Variants in SLC12A1 observed in about 807,000 individuals in gnomAD.
SLC12A1 encodes Na-K-2Cl cotransporter.
Under a neutral mutation model 130.4 loss-of-function variants are expected in SLC12A1, and 89 were observed. That is an observed-to-expected ratio of 0.68 (90% confidence interval 0.58 to 0.81). The LOEUF is 0.81. Ranked by LOEUF, SLC12A1 falls within the 40% of genes least tolerant of loss-of-function variation. SLC12A1 has a pLI of 0.00. For missense variants in SLC12A1, 1,310 were observed against 1,336.4 expected (o/e 0.98, Z 0.31); for synonymous variants, 499 against 460.0 (o/e 1.08, Z -1.09).
chr15:48,268,626 G>A (rs1043110244), intron 18 of SLC12A1, among the ~76,000 whole-genome samples: 1 of 152,128 alleles, frequency 6.6e-6, no homozygotes, highest in East Asian at 1.9e-4. Context: ...AAGAACACTT[G>A]CGAAGTAGAT....
chr15:48,273,708 C>T (rs763843115), intron 19 of SLC12A1, among the ~76,000 whole-genome samples: 2 of 152,154 alleles, frequency 1.3e-5, no homozygotes, highest in African/African-American at 4.8e-5. Context: ...TTGCACCAAA[C>T]TTATGTATAC....
chr15:48,232,071 G>A (rs1411039464), intron 7 of SLC12A1, among the ~76,000 whole-genome samples: 1 of 152,122 alleles, frequency 6.6e-6, no homozygotes, highest in African/African-American at 2.4e-5. Flanking sequence ...GGCCCTCTGA[G>A]GAGGTAACTA....
chr15:48,249,545 C>A, intron 13 of SLC12A1, 30 bp from the exon 14 acceptor site: 2 of 1,536,936 alleles, frequency 1.3e-6, no homozygotes, highest in Non-Finnish European at 1.8e-6. Context: ...ATCACTCATA[C>A]GTACATGTTC....
intron 2 of SLC12A1, among the ~76,000 whole-genome samples, chr15:48,215,449 T>TAAAA (rs1242837407): frequency 6.6e-6 from 1 of 152,236 alleles, no homozygotes; most frequent in African/African-American, 2.4e-5. Flanking sequence ...AATACATTTA[T>TAAAA]AAAAGGTTAT....
chr15:48,227,068 G>C, intron 5 of SLC12A1: 7 of 1,545,284 alleles, frequency 4.5e-6, no homozygotes, highest in Non-Finnish European at 6.1e-6. Context: ...CTTTCTTGGG[G>C]GATTTTGCAG....
chr15:48,270,220 T>C (rs2041878105), intron 19 of SLC12A1, among the ~76,000 whole-genome samples: 1 of 152,172 alleles, frequency 6.6e-6, no homozygotes, highest in Admixed American at 6.5e-5. Context: ...GTGCTTCTGC[T>C]ACCAGGTGGA....
At chr15:48,294,738 A>G (rs1694793967) in intron 24 of SLC12A1, among the ~76,000 whole-genome samples, 1 of 152,194 alleles carries the variant, frequency 6.6e-6, no homozygotes, top group South Asian at 2.1e-4. Context: ...ACAATTCCTT[A>G]GTACATGCCA....
In SLC12A1 at chr15:48,269,670, G is replaced by A; in HGVS notation, c.2308G>A (p.Gly770Arg). The change falls in exon 19 of 27, where the codon GGA (glycine) becomes AGA (arginine). Residue 770 changes from glycine (G) to arginine (R), a missense_variant. Coordinates refer to ENST00000380993, the MANE Select transcript of SLC12A1 (RefSeq NM_000338.3). ...GTCCTCTGTTTAGGCCTCAGGCTTA[G>A]GAAGAATGAAACCAAACACTCTGGT... ...VRSLLQASGLGRMKPNTLVIG... is the reference protein window; with the variant it reads ...VRSLLQASGLRRMKPNTLVIG... 6.2e-7 allele frequency: 1 copy of A among 1,607,926 alleles called. No homozygotes were observed. The highest frequency in any genetic ancestry group is 8.5e-7 in the Non-Finnish European group (1 of 1,175,116).
At chr15:48,217,885 CA>C (rs1567304221) in intron 2 of SLC12A1, 1 of 152,486 alleles carries the variant, frequency 6.6e-6, no homozygotes, top group Non-Finnish European at 1.5e-5. Flanking sequence ...TGGTTCACTG[CA>C]GCCTTGACCT....
intron 4 of SLC12A1, chr15:48,224,191 T>A (rs2041253598): frequency 6.6e-6 from 1 of 152,164 alleles, no homozygotes. Flanking sequence ...GCATTCTGGA[T>A]GGAGCCAGGG....
chr15:48,218,302 T>C (rs1363254007), intron 2 of SLC12A1, among the ~76,000 whole-genome samples: 2 of 152,162 alleles, frequency 1.3e-5, no homozygotes, highest in Non-Finnish European at 1.5e-5. Flanking sequence ...AATAGTATCA[T>C]GAACAAGGTC....
chr15:48,237,058 T>C (rs183374002), intron 9 of SLC12A1: 1 of 701,994 alleles, frequency 1.4e-6, no homozygotes, highest in East Asian at 2.7e-5. Flanking sequence ...AGACTTCCCT[T>C]ATATGAATTA....
At chr15:48,231,970 C>T (rs2041385331) in intron 7 of SLC12A1, among the ~76,000 whole-genome samples, 1 of 152,166 alleles carries the variant, frequency 6.6e-6, no homozygotes, top group Admixed American at 6.5e-5. Flanking sequence ...GAGATCGTGC[C>T]ATTGCATTCC....
In SLC12A1 at chr15:48,288,421, C is replaced by T; in HGVS notation, c.2778C>T (p.Ile926=). The T allele has an allele frequency of 1.3e-6, 2 of 1,506,508 alleles. No individual in the cohort carries two copies. The highest frequency in any genetic ancestry group is 2.4e-5 in the East Asian group (1 of 41,294). 93.3% of individuals were successfully genotyped at this position (1,506,508 alleles called of 1,614,324 possible). A position where few individuals can be genotyped will look rare whatever the true frequency, so the allele number is the denominator to read the frequency against. Reference sequence around the variant, plus strand: ...TTATTCCAGGGTTAACACTTCTTATCCCCTATATCTTAACTCTCAGAAAAA... The same window carrying T: ...TTATTCCAGGGTTAACACTTCTTATTCCCTATATCTTAACTCTCAGAAAAA... ...LFDDGGLTLL[I]PYILTLRKKW... is the part of the protein sequence containing the mutation. Residue 926 remains isoleucine, a synonymous_variant, in exon 23 of 27, where the codon ATC becomes ATT. Coordinates refer to ENST00000380993, the MANE Select transcript of SLC12A1 (RefSeq NM_000338.3).
Position 48,234,890 on chromosome 15 carries a change from A to T in SLC12A1, c.1101A>T (p.Ala367=). The change falls in exon 9 of 27, where the codon GCA becomes GCT. Residue 367 remains alanine, a synonymous_variant. Transcript: ENST00000380993. ...TTTATGTTGCAGCATCAATATTTGC[A>T]GAAAACTTTGGGCCACGCTTCACAA... is the stretch of plus-strand genomic sequence containing the variant. The part of the protein sequence containing the change: ...GFFNYQASIF[A]ENFGPRFTKG... The T allele has an allele frequency of 6.2e-7, 1 of 1,613,936 alleles. No homozygotes were observed. The highest frequency in any genetic ancestry group is 8.5e-7 in the Non-Finnish European group (1 of 1,179,808).
chr15:48,240,054 T>TATATATATATATATCC (rs2041492003), intron 9 of SLC12A1, among the ~76,000 whole-genome samples: 3 of 80,806 alleles, frequency 3.7e-5, no homozygotes, highest in East Asian at 4.2e-4. Context: ...TATATCCATA[T>TATATATATATATATCC]ATATATATAT....
intron 7 of SLC12A1, among the ~76,000 whole-genome samples, chr15:48,231,172 A>G (rs772862559): frequency 6.6e-6 from 1 of 152,202 alleles, no homozygotes; most frequent in Admixed American, 6.5e-5. Context: ...GTCAATAGAA[A>G]ACATTCCTAC....
chr15:48,302,392 G>A (rs896155359), intron 26 of SLC12A1, among the ~76,000 whole-genome samples: 59 of 151,360 alleles, frequency 3.9e-4, no homozygotes, highest in Non-Finnish European at 7.7e-4. Context: ...AGGCCGAGGC[G>A]GGTGGATCAT....
chr15:48,219,870 T>C (rs773955323), intron 2 of SLC12A1, among the ~76,000 whole-genome samples: 27 of 151,862 alleles, frequency 1.8e-4, no homozygotes, highest in African/African-American at 6.5e-4. Flanking sequence ...CTGGGCAACA[T>C]GGCAAAAGTC....
Sources: allele counts gnomAD v4.1 joint callset (sites outside exome capture counted in the v4.1 genomes callset), GRCh38; gene constraint gnomAD v4.1.1; transcripts MANE v1.5; gene names NCBI Gene and HGNC (gene_info 2026-07-23, HGNC 2026-07-21).